The following DLG1 variants were observed in gnomAD, a reference collection of about 807,000 sequenced individuals.
DLG1 encodes the protein discs large MAGUK scaffold protein 1.
Under a neutral mutation model 123.4 loss-of-function variants are expected in DLG1, and 42 were observed. The observed-to-expected ratio is 0.34, with a 90% CI of 0.27 to 0.44. DLG1 has a LOEUF of 0.44. Ranked by LOEUF, DLG1 falls within the 20% of genes least tolerant of loss-of-function variation. The pLI is 1.00. For synonymous variants in DLG1, 317 were observed against 356.2 expected (o/e 0.89, Z 1.24); for missense variants, 942 against 1,082.6 (o/e 0.87, Z 1.82).
intron 3 of DLG1, among the ~76,000 whole-genome samples, chr3:197,288,785 A>C (rs987935475): frequency 4.4e-5 from 6 of 136,634 alleles, no homozygotes; most frequent in Non-Finnish European, 6.3e-5. Flanking sequence ...AAATGGTAGA[A>C]ATCTACTGAC....
intron 19 of DLG1, chr3:197,068,477 AG>A (rs1741289241): frequency 1.3e-6 from 2 of 1,502,258 alleles, no homozygotes; most frequent in Admixed American, 1.7e-5. Context: ...AAAAAGTATT[AG>A]GGACTGATAT....
At chr3:197,282,916 A>G (rs1002475968) in intron 3 of DLG1, 71 bp from the exon 4 acceptor site, 40 of 933,478 alleles carry the variant, frequency 4.3e-5, no homozygotes, top group African/African-American at 3.6e-4. Flanking sequence ...CTATAACAAC[A>G]TAACTCAAAA....
chr3:197,144,388 C>T (rs761092130), intron 6 of DLG1, among the ~76,000 whole-genome samples: 1 of 152,178 alleles, frequency 6.6e-6, no homozygotes, highest in Non-Finnish European at 1.5e-5. Context: ...CACTCCTAAC[C>T]AGCAGTCAGC....
At position 197,296,480 on chromosome 3, in the gene DLG1, G is replaced by A; in HGVS notation, c.20-3C>T. On this transcript the variant is annotated splice_region_variant and splice_polypyrimidine_tract_variant and intron_variant, in intron 2 of 24. Transcript: ENST00000667157. ...AAGGTGCAATGCTCTCTGGGTATCTGAGAAGAAAAAGCAGAGCCTGATTAA... is the reference window on the plus strand; with the variant it reads ...AAGGTGCAATGCTCTCTGGGTATCTAAGAAGAAAAAGCAGAGCCTGATTAA... 1 of 1,612,824 alleles carries A rather than the reference G, an allele frequency of 6.2e-7. No individual in the cohort carries two copies. Among genetic ancestry groups the A allele is most frequent in the Non-Finnish European group, 8.5e-7 (1 of 1,179,408 alleles).
intron 4 of DLG1, among the ~76,000 whole-genome samples, chr3:197,243,947 C>G (rs1750281571): frequency 6.6e-6 from 1 of 152,124 alleles, no homozygotes; most frequent in South Asian, 2.1e-4. Flanking sequence ...TGATGAAATG[C>G]CAGAGTGAAA....
intron 4 of DLG1, among the ~76,000 whole-genome samples, chr3:197,270,365 G>C (rs1378268795): frequency 1.2e-4 from 18 of 152,078 alleles, no homozygotes; most frequent in Admixed American, 9.8e-4. Flanking sequence ...TGTAAAGAGA[G>C]AGATCAAGAA....
chr3:197,288,146 A>T (rs1772735920), intron 3 of DLG1, among the ~76,000 whole-genome samples: 1 of 152,024 alleles, frequency 6.6e-6, no homozygotes, highest in Non-Finnish European at 1.5e-5. Flanking sequence ...CAGGCAGATC[A>T]GGAGGTCAAG....
rs563121911 is a variant in DLG1 at position 197,268,905 on chromosome 3, C to A, written c.318+13774G>T. The stretch of plus-strand genomic sequence containing the variant: ...TTTTAAATACTGTTAAAAACAAACA[C>A]ACACACACCCGTTAACTTAAGCCTA... On this transcript the variant is annotated intron_variant, in intron 4 of 24. Coordinates refer to ENST00000667157, the MANE Select transcript of DLG1 (RefSeq NM_001366207.1). 3.2e-4 allele frequency among the ~76,000 whole-genome samples: 49 copies of A among 151,446 alleles called. 1 individual carries two copies. In the South Asian group the frequency reaches 0.01, roughly 31 times the overall value.
Position 197,126,534 on chromosome 3 carries a change from T to C in DLG1, c.1165+3993A>G, listed in dbSNP as rs549725162. On this transcript the variant is annotated intron_variant, in intron 11 of 24. Coordinates refer to ENST00000667157, the MANE Select transcript of DLG1 (RefSeq NM_001366207.1). ...TCAATTCGTGGAACAACTGTCACAA[T>C]GTGCACATGGTTATTAGATAGGCAG... 4.6e-5 allele frequency among the ~76,000 whole-genome samples: 7 copies of C among 151,246 alleles called. No individual in the cohort carries two copies. In the South Asian group the frequency reaches 1.0e-3, roughly 23 times the overall value.
chr3:197,177,475 T>C lies in DLG1; in HGVS notation c.483+16950A>G, dbSNP rs557465271. 1.2e-3 allele frequency among the ~76,000 whole-genome samples: 182 copies of C among 152,246 alleles called. 2 individuals carry two copies. The highest frequency in any genetic ancestry group is 1.8e-3 in the Non-Finnish European group (125 of 68,012). ...TCCTTGGAGATGAAGAAAAAATATT[T>C]TATCAAAACACAATTATCATTACAC... On this transcript the variant is annotated intron_variant, in intron 5 of 24. Coordinates refer to ENST00000667157, the MANE Select transcript of DLG1 (RefSeq NM_001366207.1).
chr3:197,293,080 T>G (rs1188606939), intron 3 of DLG1, among the ~76,000 whole-genome samples: 2 of 152,198 alleles, frequency 1.3e-5, no homozygotes, highest in Non-Finnish European at 2.9e-5. Context: ...TCAAAAAATT[T>G]TCAAACTTAA....
chr3:197,238,194 G>A (rs1042533777), intron 4 of DLG1, among the ~76,000 whole-genome samples: 13 of 152,006 alleles, frequency 8.6e-5, no homozygotes, highest in African/African-American at 2.9e-4. Flanking sequence ...CAAAACACAG[G>A]GTTTAAATAA....
chr3:197,136,497 C>A, intron 10 of DLG1, 45 bp downstream of exon 10: 1 of 1,524,386 alleles, frequency 6.6e-7, no homozygotes, highest in Non-Finnish European at 8.9e-7. Flanking sequence ...GAAAAATAAA[C>A]AGACTACAAA....
rs113025825 is a variant in DLG1 at position 197,288,342 on chromosome 3, G to C, written c.152-5497C>G. ...TTGCACCACTACACTCCAGCCTGGT[G>C]ACAGATCAAGACTCCGTCTCAAAAA... On this transcript the variant is annotated intron_variant, in intron 3 of 24. Coordinates refer to ENST00000667157, the MANE Select transcript of DLG1 (RefSeq NM_001366207.1). Among the ~76,000 whole-genome samples the C allele has an allele frequency of 2.8e-5, 3 of 105,378 alleles. No individual in the cohort carries two copies. The East Asian group carries it at 1.0e-3, about 36-fold the overall frequency. 69.1% of individuals were successfully genotyped at this position (105,378 alleles called of 152,430 possible).
chr3:197,195,179 T>A (rs1377593624), intron 4 of DLG1, among the ~76,000 whole-genome samples: 1 of 151,822 alleles, frequency 6.6e-6, no homozygotes, highest in African/African-American at 2.4e-5. Flanking sequence ...AAATATTCTT[T>A]CCCATCACCC....
intron 4 of DLG1, among the ~76,000 whole-genome samples, chr3:197,197,710 C>G (rs1723257374): frequency 3.3e-5 from 5 of 152,150 alleles, no homozygotes; most frequent in Admixed American, 3.3e-4. Flanking sequence ...TGAAAATGAA[C>G]AACAAAGTAC....
chr3:197,257,858 C>T (rs564127382), intron 4 of DLG1, among the ~76,000 whole-genome samples: 8 of 152,240 alleles, frequency 5.3e-5, no homozygotes, highest in Non-Finnish European at 7.4e-5. Context: ...GTTAATTTTC[C>T]TACAGTGATT....
chr3:197,158,561 G>A (rs1797384291), intron 5 of DLG1, among the ~76,000 whole-genome samples: 1 of 150,266 alleles, frequency 6.7e-6, no homozygotes, highest in Non-Finnish European at 1.5e-5. Flanking sequence ...CTGAACCCGG[G>A]AGGTGGAGGC....
At chr3:197,134,303 A>C (rs1348554184) in intron 10 of DLG1, among the ~76,000 whole-genome samples, 6 of 152,156 alleles carry the variant, frequency 3.9e-5, no homozygotes, top group Admixed American at 3.9e-4. Context: ...GGAATCTTTT[A>C]TATATTGCTG....
Sources: allele counts gnomAD v4.1 joint callset (sites outside exome capture counted in the v4.1 genomes callset), GRCh38; gene constraint gnomAD v4.1.1; transcripts MANE v1.5; gene names NCBI Gene and HGNC (gene_info 2026-07-23, HGNC 2026-07-21).